Variants in FAF1 observed in about 807,000 individuals in gnomAD.
The protein encoded by FAF1 is FAS-associated factor 1.
In FAF1, 25 loss-of-function variants were observed where a neutral mutation model predicts 92.5. That is an observed-to-expected ratio of 0.27 (90% CI 0.20 to 0.38). FAF1 has a LOEUF of 0.38. FAF1 is among the 10% of genes least tolerant of loss of function. The pLI is 1.00. For synonymous variants in FAF1, 234 were observed against 273.2 expected, an observed-to-expected ratio of 0.86 and a Z score of 1.42; for missense variants, 636 against 793.3, an observed-to-expected ratio of 0.80 and a Z score of 2.38.
intron 4 of FAF1, among the ~76,000 whole-genome samples, chr1:50,763,651 T>A (rs1291367037): frequency 6.6e-6 from 1 of 152,202 alleles, no homozygotes; most frequent in Non-Finnish European, 1.5e-5. Flanking sequence ...GCATTGTTTT[T>A]ATTGCTATGT....
In FAF1 at chr1:50,554,179, A is replaced by C. The variant is rs549753408; in HGVS notation, c.1268+12898T>G. Among the ~76,000 whole-genome samples the C allele has an allele frequency of 1.9e-4, 28 of 150,940 alleles. 1 individual carries two copies. The South Asian group carries it at 5.1e-3, about 27-fold the overall frequency. On this transcript the variant is annotated intron_variant, in intron 13 of 18. Coordinates refer to ENST00000396153, the MANE Select transcript of FAF1 (RefSeq NM_007051.3). ...CATTTTTGTTGCTGAATCATTCAGC[A>C]TGGCAAGATCATGGGAAAAAAAGCA...
intron 15 of FAF1, among the ~76,000 whole-genome samples, chr1:50,495,501 A>G (rs1646887572): frequency 6.6e-6 from 1 of 151,988 alleles, no homozygotes; most frequent in Non-Finnish European, 1.5e-5. Context: ...TTCTTTATCC[A>G]TTTGCCTATT....
intron 1 of FAF1, among the ~76,000 whole-genome samples, chr1:50,953,962 T>A (rs1029724483): frequency 6.6e-6 from 1 of 151,722 alleles, no homozygotes; most frequent in Admixed American, 6.6e-5. Flanking sequence ...TTTTTTTTTT[T>A]ATTTGAGACG....
At chr1:50,594,585 C>A (rs1177740616) in intron 9 of FAF1, among the ~76,000 whole-genome samples, 1 of 111,722 alleles carries the variant, frequency 9.0e-6, no homozygotes, top group Non-Finnish European at 1.7e-5. Flanking sequence ...TTGGGCCAGG[C>A]GTGGTGGCTC....
chr1:50,615,887 G>A (rs1311219903), intron 8 of FAF1, among the ~76,000 whole-genome samples: 2 of 152,016 alleles, frequency 1.3e-5, no homozygotes, highest in African/African-American at 4.8e-5. Flanking sequence ...TTTTGTTTTT[G>A]TTGCAACTGT....
intron 8 of FAF1, among the ~76,000 whole-genome samples, chr1:50,652,518 T>G (rs1013946304): frequency 6.6e-5 from 10 of 152,244 alleles, no homozygotes; most frequent in African/African-American, 2.2e-4. Context: ...TTTCCAACCC[T>G]GTGAAGCCCC....
At chr1:50,544,717 C>T (rs1257884115) in intron 13 of FAF1, among the ~76,000 whole-genome samples, 1 of 152,056 alleles carries the variant, frequency 6.6e-6, no homozygotes, top group African/African-American at 2.4e-5. Context: ...TCTGTGAGCT[C>T]CATGTGATGG....
At chr1:50,620,065 C>T (rs947499532) in intron 8 of FAF1, among the ~76,000 whole-genome samples, 1 of 152,064 alleles carries the variant, frequency 6.6e-6, no homozygotes, top group Non-Finnish European at 1.5e-5. Context: ...CCCACCACTA[C>T]GCCTGGCTAA....
chr1:50,704,949 A>AT (rs1657611877), intron 7 of FAF1, among the ~76,000 whole-genome samples: 1 of 152,242 alleles, frequency 6.6e-6, no homozygotes, highest in South Asian at 2.1e-4. Flanking sequence ...TTAAGTGATT[A>AT]TTTTAAGAAA....
In FAF1 at chr1:50,856,819, G is replaced by A. The variant is rs187769313; in HGVS notation, c.114+1110C>T. ...AAAATCTTAAATACCCAACAGCATA[G>A]GACTAGTTGGTTAATTATGTTACAG... is the stretch of plus-strand genomic sequence containing the variant. On this transcript the variant is annotated intron_variant, in intron 2 of 18. Transcript: ENST00000396153. Among the ~76,000 whole-genome samples, 7 of 151,820 alleles carry A rather than the reference G, an allele frequency of 4.6e-5. No individual in the cohort carries two copies. The East Asian group carries it at 1.4e-3, about 29-fold the overall frequency.
intron 2 of FAF1, among the ~76,000 whole-genome samples, chr1:50,827,194 G>A (rs920418668): frequency 6.6e-6 from 1 of 152,142 alleles, no homozygotes; most frequent in Non-Finnish European, 1.5e-5. Context: ...AGAAAAGGGG[G>A]AAATGTGGGG....
At chr1:50,759,249 A>G (rs1237645333) in intron 4 of FAF1, among the ~76,000 whole-genome samples, 1 of 151,268 alleles carries the variant, frequency 6.6e-6, no homozygotes, top group African/African-American at 2.4e-5. Context: ...TGCTGCACCC[A>G]TTAACTCGTC....
chr1:50,596,478 T>C (rs1385393822), intron 8 of FAF1, among the ~76,000 whole-genome samples: 2 of 152,156 alleles, frequency 1.3e-5, no homozygotes, highest in Admixed American at 1.3e-4. Context: ...AGGCAAATCA[T>C]ACATACTTGC....
intron 15 of FAF1, among the ~76,000 whole-genome samples, chr1:50,508,987 A>T (rs1299091356): frequency 3.3e-5 from 5 of 152,170 alleles, no homozygotes; most frequent in African/African-American, 1.2e-4. Flanking sequence ...TACAGGCGTG[A>T]GCCACTGTGC....
intron 1 of FAF1, among the ~76,000 whole-genome samples, chr1:50,899,809 G>C (rs1378472363): frequency 6.6e-6 from 1 of 152,086 alleles, no homozygotes; most frequent in African/African-American, 2.4e-5. Context: ...TCTTTCTCAG[G>C]CTTCTTTCTA....
At chr1:50,554,378 T>TAGAGAG (rs1459840745) in intron 13 of FAF1, among the ~76,000 whole-genome samples, 1 of 99,980 alleles carries the variant, frequency 1.0e-5, no homozygotes, top group Non-Finnish European at 2.0e-5. Flanking sequence ...TATATATATA[T>TAGAGAG]ATATATATAT....
intron 4 of FAF1, among the ~76,000 whole-genome samples, chr1:50,756,527 G>T (rs1330857813): frequency 6.6e-6 from 1 of 152,118 alleles, no homozygotes; most frequent in Non-Finnish European, 1.5e-5. Flanking sequence ...CAAACTCTGC[G>T]TGTTACCCAG....
intron 18 of FAF1, among the ~76,000 whole-genome samples, chr1:50,444,355 G>A (rs1396223023): frequency 6.6e-6 from 1 of 152,222 alleles, no homozygotes; most frequent in East Asian, 1.9e-4. Flanking sequence ...TGGAGAGGGG[G>A]CACTGAGAAG....
intron 3 of FAF1, among the ~76,000 whole-genome samples, chr1:50,800,138 T>G (rs1661931123): frequency 6.6e-6 from 1 of 152,216 alleles, no homozygotes; most frequent in Non-Finnish European, 1.5e-5. Flanking sequence ...AGTTTAATAC[T>G]GAATTTCTAG....
Sources: gnomAD v4.1 joint callset for allele counts (sites outside exome capture counted in the v4.1 genomes callset) on GRCh38, gnomAD v4.1.1 for gene constraint, MANE v1.5 for transcripts, NCBI Gene and HGNC (gene_info 2026-07-23, HGNC 2026-07-21) for gene names.